Variants in DNMT3A observed in about 807,000 individuals in gnomAD.
DNMT3A encodes DNA (cytosine-5)-methyltransferase 3A.
Under a neutral mutation model 117.6 loss-of-function variants are expected in DNMT3A, and 267 were observed. The observed-to-expected ratio is 2.27, with a 90% CI of 2.05 to 2.51. DNMT3A has a LOEUF of 2.51. Among genes scored for constraint, DNMT3A ranks in the 30% most tolerant of loss-of-function variants. DNMT3A has a pLI of 0.00. For missense variants in DNMT3A, 1,029 were observed against 1,260.2 expected (o/e 0.82, Z 2.78); for synonymous variants, 432 against 474.8 (o/e 0.91, Z 1.17).
chr2:25,270,263 A>G (rs2030748983), intron 6 of DNMT3A, among the ~76,000 whole-genome samples: 1 of 152,208 alleles, frequency 6.6e-6, no homozygotes. Context: ...CAACCGTCAA[A>G]AGCCAGAAGC....
intron 6 of DNMT3A, among the ~76,000 whole-genome samples, chr2:25,248,857 GT>G (rs944810532): frequency 2.9e-4 from 43 of 148,936 alleles, no homozygotes; most frequent in African/African-American, 8.8e-4. Flanking sequence ...CTACGTTAAT[GT>G]TTTTTTTTTA....
In DNMT3A at chr2:25,282,253, C is replaced by G; in HGVS notation, c.448+188G>C. On this transcript the variant is annotated intron_variant, in intron 4 of 22. Coordinates refer to ENST00000321117, the MANE Select transcript of DNMT3A (RefSeq NM_022552.5). This position sits in a 1 kb window ranked among gnomAD's most constrained non-coding sequence, Gnocchi z 5.2. ...TAATTTTTTAAATGTTTAAAACACT[C>G]TATGGGCCAAATAAAACATATGCGC... 3 of 1,380,418 alleles carry G rather than the reference C, an allele frequency of 2.2e-6. No individual in the cohort carries two copies. Among genetic ancestry groups the G allele is most frequent in the East Asian group, 5.7e-5 (2 of 35,326 alleles). The allele number at this position is 1,380,418 out of a possible 1,614,324, so 85.5% of individuals were successfully genotyped here. A position where few individuals can be genotyped will look rare whatever the true frequency, so the allele number is the denominator to read the frequency against.
rs1163637255 is a variant in DNMT3A, at chr2:25,298,628, T to C, written c.177+1511A>G. Reference sequence around the variant, plus strand: ...GGCCTGGCTCTCCTCCCACACCTTCTCCATTAAGGTGCCCTGTGGGCAGAG... The same window carrying C: ...GGCCTGGCTCTCCTCCCACACCTTCCCCATTAAGGTGCCCTGTGGGCAGAG... On this transcript the variant is annotated intron_variant, in intron 3 of 22. Transcript: ENST00000321117. The surrounding 1 kb of genome is among the most constrained non-coding windows in gnomAD (Gnocchi z 4.3). Among the ~76,000 whole-genome samples the C allele has an allele frequency of 6.6e-6, 1 of 152,026 alleles. No homozygotes were observed. The highest frequency in any genetic ancestry group is 1.9e-4 in the East Asian group (1 of 5,176).
At chr2:25,318,704 T>C (rs2034475336) in intron 1 of DNMT3A, among the ~76,000 whole-genome samples, 1 of 149,210 alleles carries the variant, frequency 6.7e-6, no homozygotes, top group Admixed American at 6.6e-5. Context: ...TTTTCTTTTT[T>C]TTTTTTTTTT....
In DNMT3A at chr2:25,281,563, C is replaced by A; in HGVS notation, c.448+878G>T. ...ATCAATTTACTCATTTCATCATACA[C>A]GCTTGGAAGGAAGACTTTTTGAAAT... On this transcript the variant is annotated intron_variant, in intron 4 of 22. Coordinates refer to ENST00000321117, the MANE Select transcript of DNMT3A (RefSeq NM_022552.5). The surrounding 1 kb of genome is among the most constrained non-coding windows in gnomAD (Gnocchi z 4.8). 9.4e-7 allele frequency: 1 copy of A among 1,062,550 alleles called. No individual in the cohort carries two copies. The highest frequency in any genetic ancestry group is 1.1e-6 in the Non-Finnish European group (1 of 877,552). 65.8% of individuals were successfully genotyped at this position (1,062,550 alleles called of 1,614,324 possible).
At chr2:25,277,983 G>T (rs1326181493) in intron 4 of DNMT3A, among the ~76,000 whole-genome samples, 3 of 147,806 alleles carry the variant, frequency 2.0e-5, no homozygotes, top group Non-Finnish European at 3.0e-5. Context: ...CAGACTCTGC[G>T]CATGCCCACT....
In DNMT3A at chr2:25,263,799, C is replaced by G. The variant is rs79267561; in HGVS notation, c.639+11142G>C. ...AGGACCCCACTCCATGCCCTTCCCC[C>G]ACTGTCCCTGCCAAGCAGTCCTGTT... On this transcript the variant is annotated intron_variant, in intron 6 of 22. Coordinates refer to ENST00000321117, the MANE Select transcript of DNMT3A (RefSeq NM_022552.5). 2.2e-4 allele frequency among the ~76,000 whole-genome samples: 34 copies of G among 152,360 alleles called. 1 individual carries two copies. In the East Asian group the frequency reaches 6.2e-3, roughly 28 times the overall value.
intron 2 of DNMT3A, among the ~76,000 whole-genome samples, chr2:25,309,306 G>C (rs2033955561): frequency 6.6e-6 from 1 of 152,256 alleles, no homozygotes; most frequent in Admixed American, 6.5e-5. Flanking sequence ...GGAGCTGTAT[G>C]TCCAGGGAGG....
At chr2:25,245,225 C>T in intron 13 of DNMT3A, 28 bp downstream of exon 13, 1 of 1,610,870 alleles carries the variant, frequency 6.2e-7, no homozygotes, top group African/African-American at 1.3e-5. Flanking sequence ...GCCTCAACGG[C>T]ACCTCTCCTG....
chr2:25,337,050 T>C lies in DNMT3A; in HGVS notation c.-178+4776A>G, dbSNP rs2035243412. The stretch of plus-strand genomic sequence containing the variant: ...AGCACAGGGCATGGCTTACAGGAAA[T>C]GCTCAGCACATCTCTGGAAAATGGA... On this transcript the variant is annotated intron_variant, in intron 1 of 22. Transcript: ENST00000321117. This position sits in a 1 kb window ranked among gnomAD's most constrained non-coding sequence, Gnocchi z 5.0. Among the ~76,000 whole-genome samples, 1 of 152,146 alleles carries C rather than the reference T, an allele frequency of 6.6e-6. No homozygotes were observed. The highest frequency in any genetic ancestry group is 6.5e-5 in the Admixed American group (1 of 15,274).
rs2149443412 is a variant in DNMT3A at position 25,327,322 on chromosome 2, G to T, written c.-177-13161C>A. Among the ~76,000 whole-genome samples the T allele has an allele frequency of 6.6e-6, 1 of 152,154 alleles. No individual in the cohort carries two copies. Among genetic ancestry groups the T allele is most frequent in the Middle Eastern group, 3.4e-3 (1 of 294 alleles). ...GATACAGTCACCCGCGGCCCCAAAG[G>T]GCTTTTTTCCATCCTCATGGCCCTT... is the stretch of plus-strand genomic sequence containing the variant. On this transcript the variant is annotated intron_variant, in intron 1 of 22. Coordinates refer to ENST00000321117, the MANE Select transcript of DNMT3A (RefSeq NM_022552.5). This position sits in a 1 kb window ranked among gnomAD's most constrained non-coding sequence, Gnocchi z 4.1.
Position 25,248,088 on chromosome 2 carries a change from ATCGGACCC to A in DNMT3A, c.796_803del (p.Gly266CysfsTer12). The A allele has an allele frequency of 6.2e-7, 1 of 1,613,186 alleles. No individual in the cohort carries two copies. The highest frequency in any genetic ancestry group is 8.5e-7 in the Non-Finnish European group (1 of 1,180,008). ...CTTTGGTGGCATTCTTGTCCCCAGC[ATCGGACCC>A]CACGGGCTCAGGCGTGGTAGCCACA... On this transcript the variant is annotated frameshift_variant, in exon 7 of 23. Transcript: ENST00000321117. LOFTEE classifies it high-confidence loss of function.
At chr2:25,336,863 G>A (rs1242802255) in intron 1 of DNMT3A, among the ~76,000 whole-genome samples, 1 of 152,174 alleles carries the variant, frequency 6.6e-6, no homozygotes. Context: ...GGGCGCTTCT[G>A]AGATGCCACC....
chr2:25,294,815 G>A lies in DNMT3A; in HGVS notation c.177+5324C>T, dbSNP rs577324447. Reference sequence around the variant, plus strand: ...CCCTCTTGGACTGGCTCACTCCTGCGGTGTTGGAGGGTCAGCCCTAACACC... The same window carrying A: ...CCCTCTTGGACTGGCTCACTCCTGCAGTGTTGGAGGGTCAGCCCTAACACC... On this transcript the variant is annotated intron_variant, in intron 3 of 22. Coordinates refer to ENST00000321117, the MANE Select transcript of DNMT3A (RefSeq NM_022552.5). The surrounding 1 kb of genome is among the most constrained non-coding windows in gnomAD (Gnocchi z 4.7). Among the ~76,000 whole-genome samples the A allele has an allele frequency of 3.2e-4, 49 of 152,234 alleles. 1 individual carries two copies. In the South Asian group the frequency reaches 3.9e-3, roughly 12 times the overall value.
At chr2:25,322,041 GCA>G (rs1232226472) in intron 1 of DNMT3A, among the ~76,000 whole-genome samples, 1 of 152,166 alleles carries the variant, frequency 6.6e-6, no homozygotes, top group African/African-American at 2.4e-5. Context: ...TCAAAAATAT[GCA>G]CTTTACTCAG....
chr2:25,246,238 G>A lies in DNMT3A; in HGVS notation c.1351C>T (p.Pro451Ser). ...TTCCGGGGCTTTTTGGCTGGTGGAG[G>A]TGGTGCGTAGGCAGCTGCCTCAGGT... ...VEPEAAAYAPPPPAKKPRKST... is the reference protein window; with the variant it reads ...VEPEAAAYAPSPPAKKPRKST... Residue 451 changes from proline to serine, a missense_variant, in exon 11 of 23, where the codon CCT becomes TCT. Pro to Ser is a moderately conservative substitution (Grantham distance 74, BLOSUM62 -1). Coordinates refer to ENST00000321117, the MANE Select transcript of DNMT3A (RefSeq NM_022552.5). The A allele has an allele frequency of 6.2e-7, 1 of 1,614,166 alleles. No homozygotes were observed. The highest frequency in any genetic ancestry group is 8.5e-7 in the Non-Finnish European group (1 of 1,180,010).
At chr2:25,260,735 T>C (rs906837198) in intron 6 of DNMT3A, among the ~76,000 whole-genome samples, 5 of 152,028 alleles carry the variant, frequency 3.3e-5, no homozygotes, top group African/African-American at 1.2e-4. Flanking sequence ...GCAGTTGGCC[T>C]GGGAGCACAC....
At chr2:25,245,926 C>T (rs1422711340) in intron 12 of DNMT3A, 94 bp downstream of exon 12, 19 of 1,514,714 alleles carry the variant, frequency 1.3e-5, no homozygotes, top group Non-Finnish European at 1.6e-5. Context: ...GGACGTGGCC[C>T]CTGGTCCCAT....
chr2:25,253,987 G>A (rs371600763), intron 6 of DNMT3A, among the ~76,000 whole-genome samples: 4 of 151,418 alleles, frequency 2.6e-5, no homozygotes, highest in African/African-American at 9.7e-5. Flanking sequence ...CAAGAGAATC[G>A]CTTCAACTTA....
Sources: allele counts gnomAD v4.1 joint callset (sites outside exome capture counted in the v4.1 genomes callset), GRCh38; gene constraint gnomAD v4.1.1; non-coding constraint Gnocchi (gnomAD v3.1); transcripts MANE v1.5; gene names NCBI Gene and HGNC (gene_info 2026-07-23, HGNC 2026-07-21).